Variants in DGKI observed in about 807,000 individuals in gnomAD.
DGKI encodes the protein diacylglycerol kinase iota, also known as DAG kinase iota.
In DGKI, 55 loss-of-function variants were observed where a neutral mutation model predicts 147.5. The observed-to-expected ratio is 0.37, with a 90% CI of 0.30 to 0.47. The LOEUF (loss-of-function observed/expected upper bound fraction) is 0.47. Ranked by LOEUF, DGKI falls within the 20% of genes least tolerant of loss-of-function variation. The pLI is 1.00. For missense variants in DGKI, 1,007 were observed against 1,323.8 expected, an observed-to-expected ratio of 0.76 and a Z score of 3.71; for synonymous variants, 469 against 477.1, an observed-to-expected ratio of 0.98 and a Z score of 0.22.
intron 21 of DGKI, among the ~76,000 whole-genome samples, chr7:137,513,582 G>C (rs1816649978): frequency 1.3e-5 from 2 of 152,178 alleles, no homozygotes; most frequent in Non-Finnish European, 2.9e-5. Context: ...TAAGAAACAT[G>C]TCGTTAGGTG....
At chr7:137,507,016 T>C (rs1236369532) in intron 21 of DGKI, among the ~76,000 whole-genome samples, 2 of 152,154 alleles carry the variant, frequency 1.3e-5, no homozygotes, top group African/African-American at 2.4e-5. Flanking sequence ...GTTTGCAATA[T>C]GGTATTTCAA....
intron 31 of DGKI, among the ~76,000 whole-genome samples, 194 bp downstream of exon 31, chr7:137,397,183 A>G (rs1811584829): frequency 6.6e-6 from 1 of 152,262 alleles, no homozygotes; most frequent in Admixed American, 6.5e-5. Flanking sequence ...AAGCATTATG[A>G]CAATTGTCAT....
intron 1 of DGKI, among the ~76,000 whole-genome samples, chr7:137,762,145 T>G (rs931154344): frequency 6.6e-6 from 1 of 152,252 alleles, no homozygotes; most frequent in Non-Finnish European, 1.5e-5. Flanking sequence ...CAGCCCACTT[T>G]AATGCCAATG....
chr7:137,672,778 T>C (rs1822893598), intron 3 of DGKI, among the ~76,000 whole-genome samples: 2 of 135,658 alleles, frequency 1.5e-5, no homozygotes, highest in Non-Finnish European at 3.1e-5. Flanking sequence ...TTTTTTTTTT[T>C]TTTTTTTTTT....
intron 21 of DGKI, among the ~76,000 whole-genome samples, chr7:137,501,919 G>C (rs550293425): frequency 2.6e-5 from 4 of 152,136 alleles, no homozygotes; most frequent in Non-Finnish European, 5.9e-5. Context: ...AATCATGGGG[G>C]CAGGTCTTTC....
chr7:137,731,693 A>C (rs557404165), intron 1 of DGKI, among the ~76,000 whole-genome samples: 21 of 152,160 alleles, frequency 1.4e-4, no homozygotes, highest in African/African-American at 5.1e-4. Flanking sequence ...TTCTGGAACT[A>C]GTTGTTCCTC....
chr7:137,449,087 G>A (rs181534867), intron 27 of DGKI, among the ~76,000 whole-genome samples: 5 of 152,214 alleles, frequency 3.3e-5, no homozygotes, highest in East Asian at 1.9e-4. Flanking sequence ...GAGATTCTAC[G>A]TAATTCCTAT....
intron 1 of DGKI, chr7:137,722,281 GA>G: frequency 6.2e-7 from 1 of 1,610,516 alleles, no homozygotes; most frequent in Non-Finnish European, 8.5e-7. Context: ...AGTTGGTGGT[GA>G]CAAGAACGGC....
intron 28 of DGKI, among the ~76,000 whole-genome samples, chr7:137,425,562 G>A (rs948002532): frequency 1.3e-5 from 2 of 152,220 alleles, no homozygotes; most frequent in East Asian, 1.9e-4. Context: ...TGACTTTGAC[G>A]AGTTGAGAGA....
chr7:137,794,355 G>A (rs1027649073), intron 1 of DGKI, among the ~76,000 whole-genome samples: 1 of 152,132 alleles, frequency 6.6e-6, no homozygotes, highest in East Asian at 1.9e-4. Context: ...GGACAAGACT[G>A]TACAAAGATT....
chr7:137,691,798 G>GTTTTTGTTTTTT (rs1823612908), intron 1 of DGKI, among the ~76,000 whole-genome samples: 1 of 95,816 alleles, frequency 1.0e-5, no homozygotes, highest in Non-Finnish European at 2.0e-5. Context: ...AGACCTTTGG[G>GTTTTTGTTTTTT]TTTTTTTTTT....
chr7:137,440,462 T>C (rs1368598970), intron 28 of DGKI, among the ~76,000 whole-genome samples: 1 of 152,232 alleles, frequency 6.6e-6, no homozygotes, highest in Admixed American at 6.5e-5. Context: ...ATACTCTTGT[T>C]AGAGGAGGGA....
At chr7:137,617,123 C>CAAAA in intron 8 of DGKI, among the ~76,000 whole-genome samples, 1 of 58,444 alleles carries the variant, frequency 1.7e-5, no homozygotes, top group Non-Finnish European at 2.7e-5. Context: ...ATCCCTTTTA[C>CAAAA]CAAAAAAAAA....
At chr7:137,457,505 G>A (rs1814250472) in intron 27 of DGKI, among the ~76,000 whole-genome samples, 1 of 152,200 alleles carries the variant, frequency 6.6e-6, no homozygotes, top group Admixed American at 6.5e-5. Flanking sequence ...GGGGAATGAT[G>A]TTGTTTCTCC....
intron 8 of DGKI, among the ~76,000 whole-genome samples, chr7:137,613,392 A>G (rs1166381180): frequency 6.6e-6 from 1 of 152,106 alleles, no homozygotes. Flanking sequence ...ACTTATTCCA[A>G]AAGTTACAGA....
intron 30 of DGKI, among the ~76,000 whole-genome samples, chr7:137,401,058 C>G (rs1314476052): frequency 6.6e-6 from 1 of 152,146 alleles, no homozygotes; most frequent in Non-Finnish European, 1.5e-5. Flanking sequence ...CAAGGCTGTT[C>G]TTCTCCTTAT....
intron 1 of DGKI, among the ~76,000 whole-genome samples, chr7:137,831,279 G>A (rs1325736575): frequency 6.6e-6 from 1 of 152,188 alleles, no homozygotes; most frequent in Non-Finnish European, 1.5e-5. Flanking sequence ...ATGTTGGATA[G>A]TTCACAATGA....
intron 20 of DGKI, among the ~76,000 whole-genome samples, chr7:137,547,627 G>A (rs932416256): frequency 3.3e-5 from 5 of 152,150 alleles, no homozygotes; most frequent in African/African-American, 1.2e-4. Context: ...GGATTCATGT[G>A]TGAGTCGCTG....
At chr7:137,504,931 A>G (rs901423203) in intron 21 of DGKI, among the ~76,000 whole-genome samples, 1 of 152,146 alleles carries the variant, frequency 6.6e-6, no homozygotes, top group Non-Finnish European at 1.5e-5. Context: ...TGTTAAGAAA[A>G]TGAAAAATTA....
Sources: allele counts gnomAD v4.1 joint callset (sites outside exome capture counted in the v4.1 genomes callset), GRCh38; gene constraint gnomAD v4.1.1; transcripts MANE v1.5; gene names NCBI Gene and HGNC (gene_info 2026-07-23, HGNC 2026-07-21).